Variants in CHMP1A observed in about 807,000 individuals in gnomAD.
CHMP1A encodes charged multivesicular body protein 1A.
A neutral mutation model predicts 27.0 loss-of-function variants in CHMP1A; 17 were observed. The observed-to-expected ratio is 0.63, with a 90% CI of 0.43 to 0.95. The LOEUF is 0.95. Ranked by LOEUF, CHMP1A falls within the 40% of genes least tolerant of loss-of-function variation. CHMP1A has a pLI of 0.00. For missense variants in CHMP1A, 275 were observed against 264.0 expected (o/e 1.04, Z -0.29); for synonymous variants, 131 against 107.5 (o/e 1.22, Z -1.35).
chr16:89,646,881 C>T, intron 5 of CHMP1A, 167 bp from the exon 6 acceptor site: 2 of 752,158 alleles, frequency 2.7e-6, no homozygotes, highest in South Asian at 1.7e-5. Context: ...AGGAGCCTTT[C>T]CTGCCCCCCC....
intron 4 of CHMP1A, among the ~76,000 whole-genome samples, chr16:89,648,669 T>C (rs1035122128): frequency 2.6e-5 from 4 of 152,082 alleles, no homozygotes; most frequent in Non-Finnish European, 5.9e-5. Context: ...GGTGGGAAGA[T>C]TGCTTGAGGC....
At chr16:89,657,476 C>G (rs2059893965) in intron 1 of CHMP1A, 106 bp downstream of exon 1, 5 of 1,429,936 alleles carry the variant, frequency 3.5e-6, no homozygotes, top group African/African-American at 1.4e-5. Flanking sequence ...GAGGCCCGAG[C>G]TCTCCTGAGT....
At position 89,657,594 on chromosome 16, in the gene CHMP1A, C is replaced by T. The variant is rs760531404; in HGVS notation, c.-6G>A. 6.2e-7 allele frequency: 1 copy of T among 1,611,308 alleles called. No individual in the cohort carries two copies. Among genetic ancestry groups the T allele is most frequent in the East Asian group, 2.2e-5 (1 of 44,790 alleles). On this transcript the variant is annotated 5_prime_UTR_variant, in exon 1 of 7. The change creates a new upstream start codon in the 5' untranslated region. Coordinates refer to ENST00000397901, the MANE Select transcript of CHMP1A (RefSeq NM_002768.5). ...CGCGACCTCTTACCGTCCATGGCCA[C>T]AATGACAGGAGCAGCACTCGGAGAG...
chr16:89,657,358 G>C (rs2059891512), intron 1 of CHMP1A, among the ~76,000 whole-genome samples: 1 of 147,868 alleles, frequency 6.8e-6, no homozygotes, highest in African/African-American at 2.5e-5. Context: ...GGTGGTCGAG[G>C]CCCTGGGGAT....
intron 4 of CHMP1A, among the ~76,000 whole-genome samples, chr16:89,648,392 CCGCCGACG>C: frequency 8.4e-6 from 1 of 119,302 alleles, no homozygotes; most frequent in Non-Finnish European, 1.8e-5. Flanking sequence ...GGAGAAAAGG[CCGCCGACG>C]TGGGGACCCA....
At chr16:89,652,561 C>T (rs2059833741) in intron 2 of CHMP1A, among the ~76,000 whole-genome samples, 1 of 147,336 alleles carries the variant, frequency 6.8e-6, no homozygotes, top group South Asian at 2.2e-4. Flanking sequence ...GCCCTGGTAC[C>T]AGGTGGCCCT....
chr16:89,647,546 A>C (rs1424304852), intron 4 of CHMP1A, among the ~76,000 whole-genome samples: 1 of 147,348 alleles, frequency 6.8e-6, no homozygotes, highest in Non-Finnish European at 1.5e-5. Context: ...GTCAGTGGAG[A>C]AAAGGCCGCC....
chr16:89,647,139 C>A, intron 5 of CHMP1A, 64 bp downstream of exon 5: 1 of 1,579,298 alleles, frequency 6.3e-7, no homozygotes, highest in East Asian at 2.3e-5. Context: ...CCACCCCTCC[C>A]GATGAGCTGC....
rs1262789832 is a variant in CHMP1A at position 89,649,322 on chromosome 16, C to T, written c.252+29G>A. On this transcript the variant is annotated intron_variant, in intron 4 of 6. Coordinates refer to ENST00000397901, the MANE Select transcript of CHMP1A (RefSeq NM_002768.5). Reference sequence around the variant, plus strand: ...TTCCTGCTTCAGCCAGCGAACGCCACCCATCCAGCACCAGGGCCCAGCACT... The same window carrying T: ...TTCCTGCTTCAGCCAGCGAACGCCATCCATCCAGCACCAGGGCCCAGCACT... The T allele has an allele frequency of 1.5e-5, 24 of 1,600,672 alleles. No homozygotes were observed. In the Admixed American group the frequency reaches 4.1e-4, roughly 27 times the overall value.
intron 1 of CHMP1A, among the ~76,000 whole-genome samples, chr16:89,654,938 G>A (rs372088681): frequency 1.3e-4 from 8 of 60,828 alleles, no homozygotes; most frequent in African/African-American, 2.0e-4. Flanking sequence ...GCAAGACTCC[G>A]TCTCAAAAAA....
intron 3 of CHMP1A, among the ~76,000 whole-genome samples, chr16:89,650,188 C>A (rs958388160): frequency 6.6e-6 from 1 of 151,784 alleles, no homozygotes; most frequent in African/African-American, 2.4e-5. Flanking sequence ...TCTTTTTTTT[C>A]TTTTTTTGGA....
At position 89,645,846 on chromosome 16, in the gene CHMP1A, C is replaced by A. The variant is rs944589844; in HGVS notation, c.*220G>T. On this transcript the variant is annotated 3_prime_UTR_variant, in exon 7 of 7. Coordinates refer to ENST00000397901, the MANE Select transcript of CHMP1A (RefSeq NM_002768.5). Reference sequence around the variant, plus strand: ...GGCCCAGAGTCACAGAAATCACCCCCAGAAATTTGCAGAAACTCAACACCA... The same window carrying A: ...GGCCCAGAGTCACAGAAATCACCCCAAGAAATTTGCAGAAACTCAACACCA... 1.4e-5 allele frequency: 20 copies of A among 1,472,724 alleles called. No homozygotes were observed. The highest frequency in any genetic ancestry group is 1.7e-5 in the Non-Finnish European group (19 of 1,096,410). The allele number at this position is 1,472,724 out of a possible 1,614,324, so 91.2% of individuals were successfully genotyped here. A position where few individuals can be genotyped will look rare whatever the true frequency, so the allele number is the denominator to read the frequency against.
At chr16:89,654,232 G>T (rs1027138565) in intron 1 of CHMP1A, among the ~76,000 whole-genome samples, 6 of 152,232 alleles carry the variant, frequency 3.9e-5, no homozygotes, top group African/African-American at 1.4e-4. Flanking sequence ...AAGAGGTCAT[G>T]GACGCAGCAT....
chr16:89,657,010 G>A (rs2059881695), intron 1 of CHMP1A, among the ~76,000 whole-genome samples: 1 of 150,226 alleles, frequency 6.7e-6, no homozygotes, highest in South Asian at 2.1e-4. Flanking sequence ...ATACCGGGTT[G>A]AGATTTGGGG....
Position 89,645,782 on chromosome 16 carries a change from GT to G in CHMP1A, c.*283del. 1.2e-6 allele frequency: 1 copy of G among 826,214 alleles called. No individual in the cohort carries two copies. Among genetic ancestry groups the G allele is most frequent in the Non-Finnish European group, 1.8e-6 (1 of 560,476 alleles). 51.2% of individuals were successfully genotyped at this position (826,214 alleles called of 1,614,324 possible). Reference sequence around the variant, plus strand: ...AGTCTGAAGGCCCCCACAGTGCTGGGTGAAAGTCCACAGGGCCCCTCTTGGC... The same window carrying G: ...AGTCTGAAGGCCCCCACAGTGCTGGGGAAAGTCCACAGGGCCCCTCTTGGC... On this transcript the variant is annotated 3_prime_UTR_variant, in exon 7 of 7. Coordinates refer to ENST00000397901, the MANE Select transcript of CHMP1A (RefSeq NM_002768.5).
chr16:89,656,221 C>T (rs2059867378), intron 1 of CHMP1A, among the ~76,000 whole-genome samples: 1 of 152,214 alleles, frequency 6.6e-6, no homozygotes, highest in Non-Finnish European at 1.5e-5. Context: ...ACTGCAAGCT[C>T]CGCCTCCCGG....
At chr16:89,646,896 A>G in intron 5 of CHMP1A, 182 bp from the exon 6 acceptor site, 1 of 189,488 alleles carries the variant, frequency 5.3e-6, no homozygotes, top group Non-Finnish European at 9.5e-6. Flanking sequence ...CCCCCCACCC[A>G]GCCCCACCCT....
intron 3 of CHMP1A, among the ~76,000 whole-genome samples, chr16:89,650,209 C>T (rs779454809): frequency 2.0e-5 from 3 of 152,072 alleles, no homozygotes; most frequent in Admixed American, 6.6e-5. Context: ...GATGGAATCT[C>T]GCTCTGTGGC....
rs1264757420 is a variant in CHMP1A at position 89,647,560 on chromosome 16, G to A, written c.253-229C>T. Among the ~76,000 whole-genome samples, 10 of 144,746 alleles carry A rather than the reference G, an allele frequency of 6.9e-5. 1 individual carries two copies. Among genetic ancestry groups the A allele is most frequent in the East Asian group, 4.2e-4 (2 of 4,790 alleles). The allele number at this position is 144,746 out of a possible 152,430, so 95.0% of individuals were successfully genotyped here. A position where few individuals can be genotyped will look rare whatever the true frequency, so the allele number is the denominator to read the frequency against. ...GGTCAGTGGAGAAAAGGCCGCCGAC[G>A]TGGAGACCCAGTGCGGGGTCAGTGG... is the stretch of plus-strand genomic sequence containing the variant. On this transcript the variant is annotated intron_variant, in intron 4 of 6. Transcript: ENST00000397901.
Sources: allele counts gnomAD v4.1 joint callset (sites outside exome capture counted in the v4.1 genomes callset), GRCh38; gene constraint gnomAD v4.1.1; transcripts MANE v1.5; gene names NCBI Gene and HGNC (gene_info 2026-07-23, HGNC 2026-07-21).